CADM1: variants seen among roughly 807,000 people sequenced by gnomAD.
The protein encoded by CADM1 is TSLC-1.
CADM1 carries 15 observed loss-of-function variants against 53.1 expected under a neutral mutation model. The observed-to-expected ratio is 0.28, with a 90% CI of 0.19 to 0.44. The LOEUF is 0.44. Ranked by LOEUF, CADM1 falls within the 20% of genes least tolerant of loss-of-function variation. CADM1 has a pLI of 1.00. For missense variants in CADM1, 434 were observed against 611.3 expected, an observed-to-expected ratio of 0.71 and a Z score of 3.06; for synonymous variants, 281 against 243.0, an observed-to-expected ratio of 1.16 and a Z score of -1.45.
intron 1 of CADM1, among the ~76,000 whole-genome samples, chr11:115,308,006 T>G (rs1473990840): frequency 6.6e-6 from 1 of 151,752 alleles, no homozygotes; most frequent in African/African-American, 2.4e-5. Flanking sequence ...ATCTGCTACT[T>G]CTGAGACTAT....
chr11:115,224,778 G>A lies in CADM1; in HGVS notation c.721+4335C>T, dbSNP rs377690429. ...GCTATTTAGACAGTTTTCTCTTAACGCTCAGACAGTGAACTGTTCCCATTT... is the reference window on the plus strand; with the variant it reads ...GCTATTTAGACAGTTTTCTCTTAACACTCAGACAGTGAACTGTTCCCATTT... On this transcript the variant is annotated intron_variant, in intron 5 of 11. Transcript: ENST00000331581. Among the ~76,000 whole-genome samples, 5 of 152,094 alleles carry A rather than the reference G, an allele frequency of 3.3e-5. No individual in the cohort carries two copies. In the East Asian group the frequency reaches 7.7e-4, roughly 23 times the overall value.
intron 10 of CADM1, among the ~76,000 whole-genome samples, chr11:115,181,896 A>G (rs1426545329): frequency 2.6e-5 from 4 of 152,316 alleles, no homozygotes; most frequent in East Asian, 3.9e-4. Context: ...CCAGGGGGGA[A>G]CTGGGCTACT....
At chr11:115,219,585 AAGAGCAAAATGGTGTTGAGGTTTCC>A (rs1941327305) in intron 5 of CADM1, among the ~76,000 whole-genome samples, 6 of 152,194 alleles carry the variant, frequency 3.9e-5, no homozygotes, top group Admixed American at 3.9e-4. Flanking sequence ...GAAACTGTTT[AAGAGCAAAATGGTGTTGAGGTTTCC>A]AGATACTGAT....
intron 8 of CADM1, among the ~76,000 whole-genome samples, chr11:115,200,110 G>A (rs1204109247): frequency 6.6e-6 from 1 of 152,212 alleles, no homozygotes; most frequent in Non-Finnish European, 1.5e-5. Context: ...AAAGGCCAAT[G>A]CAGCTTAATA....
intron 1 of CADM1, among the ~76,000 whole-genome samples, chr11:115,365,042 G>A (rs1339215440): frequency 6.6e-6 from 1 of 152,182 alleles, no homozygotes; most frequent in Non-Finnish European, 1.5e-5. Flanking sequence ...CATTCCCTCT[G>A]TAGAACATGC....
chr11:115,266,891 A>G (rs182084008), intron 1 of CADM1, among the ~76,000 whole-genome samples: 1 of 152,384 alleles, frequency 6.6e-6, no homozygotes. Flanking sequence ...CAATATTAAA[A>G]ATACACAAAA....
intron 1 of CADM1, among the ~76,000 whole-genome samples, chr11:115,258,263 A>G (rs1942858681): frequency 6.6e-6 from 1 of 152,144 alleles, no homozygotes; most frequent in Admixed American, 6.5e-5. Flanking sequence ...GTATCAGCTC[A>G]GATTTATGAT....
intron 1 of CADM1, among the ~76,000 whole-genome samples, chr11:115,379,292 C>T (rs1160667670): frequency 6.6e-6 from 1 of 152,174 alleles, no homozygotes; most frequent in East Asian, 1.9e-4. Context: ...ATATGTAATA[C>T]TGAAGACATT....
At chr11:115,323,836 T>C (rs1231265206) in intron 1 of CADM1, among the ~76,000 whole-genome samples, 1 of 151,852 alleles carries the variant, frequency 6.6e-6, no homozygotes, top group African/African-American at 2.4e-5. Context: ...GAAGGAGGAT[T>C]CATTATGTGG....
chr11:115,387,933 CA>C (rs1247693973), intron 1 of CADM1, among the ~76,000 whole-genome samples: 1 of 151,434 alleles, frequency 6.6e-6, no homozygotes, highest in African/African-American at 2.4e-5. Flanking sequence ...CAAAACTACC[CA>C]AAAAACAAAA....
chr11:115,176,636 C>T, intron 11 of CADM1, 44 bp from the exon 12 acceptor site: 1 of 1,514,830 alleles, frequency 6.6e-7, no homozygotes, highest in South Asian at 1.1e-5. Flanking sequence ...CTGATGGCCT[C>T]TGTGTAAAGT....
At chr11:115,216,796 C>CTTTCTGGTCTCTTGTCAT (rs1941205364) in intron 6 of CADM1, among the ~76,000 whole-genome samples, 1 of 152,158 alleles carries the variant, frequency 6.6e-6, no homozygotes, top group African/African-American at 2.4e-5. Context: ...CAACAGCAGG[C>CTTTCTGGTCTCTTGTCAT]AGAGCCCCCT....
intron 1 of CADM1, among the ~76,000 whole-genome samples, chr11:115,305,899 T>TCAA: frequency 2.5e-5 from 1 of 39,922 alleles, no homozygotes; most frequent in East Asian, 9.0e-4. Flanking sequence ...AGACTCCATC[T>TCAA]CAAAAAAAAA....
At chr11:115,183,185 C>T (rs1468662869) in intron 10 of CADM1, among the ~76,000 whole-genome samples, 1 of 152,188 alleles carries the variant, frequency 6.6e-6, no homozygotes, top group Non-Finnish European at 1.5e-5. Flanking sequence ...ACTTCAGTCT[C>T]CTTTCCCCTC....
In CADM1 at chr11:115,169,401, T is replaced by C. The variant is rs1049022847; in HGVS notation, c.*7073A>G. Reference sequence around the variant, plus strand: ...CTCCCGGGCTACATTTCTGGCTGTGTTAAGAATCAAGCCATCAAGAACAGC... The same window carrying C: ...CTCCCGGGCTACATTTCTGGCTGTGCTAAGAATCAAGCCATCAAGAACAGC... On this transcript the variant is annotated 3_prime_UTR_variant, in exon 12 of 12. Transcript: ENST00000331581. 1.4e-4 allele frequency: 50 copies of C among 349,154 alleles called. No homozygotes were observed. The highest frequency in any genetic ancestry group is 1.1e-3 in the African/African-American group (49 of 46,638). The allele number at this position is 349,154 out of a possible 1,614,324, so 21.6% of individuals were successfully genotyped here. A position where few individuals can be genotyped will look rare whatever the true frequency, so the allele number is the denominator to read the frequency against.
At chr11:115,409,466 G>A (rs1315011970) in intron 1 of CADM1, among the ~76,000 whole-genome samples, 2 of 151,842 alleles carry the variant, frequency 1.3e-5, no homozygotes, top group Non-Finnish European at 2.9e-5. Context: ...CCAAAGAAAG[G>A]AATGTTGAGA....
chr11:115,291,019 C>G (rs1206639155), intron 1 of CADM1, among the ~76,000 whole-genome samples: 2 of 152,214 alleles, frequency 1.3e-5, no homozygotes, highest in Admixed American at 1.3e-4. Context: ...TTGTTCCCAT[C>G]TGATTGCCTT....
chr11:115,341,725 T>C (rs1945453056), intron 1 of CADM1, among the ~76,000 whole-genome samples: 1 of 152,182 alleles, frequency 6.6e-6, no homozygotes, highest in African/African-American at 2.4e-5. Context: ...GAAGACCATG[T>C]ATTTACCGGT....
intron 1 of CADM1, among the ~76,000 whole-genome samples, chr11:115,260,412 G>T (rs1422293403): frequency 6.6e-6 from 1 of 152,254 alleles, no homozygotes; most frequent in East Asian, 1.9e-4. Context: ...GGATGTAACA[G>T]AACTCTCAAT....
Sources: allele counts gnomAD v4.1 joint callset (sites outside exome capture counted in the v4.1 genomes callset), GRCh38; gene constraint gnomAD v4.1.1; transcripts MANE v1.5; gene names NCBI Gene and HGNC (gene_info 2026-07-23, HGNC 2026-07-21).